Variants in LMO7 observed in about 807,000 individuals in gnomAD.
LMO7 encodes LIM domain only protein 7.
Under a neutral mutation model 206.5 loss-of-function variants are expected in LMO7, and 120 were observed. That is an observed-to-expected ratio of 0.58 (90% CI 0.50 to 0.68). The LOEUF is 0.68. LMO7 is among the 30% of genes least tolerant of loss of function. LMO7 has a pLI of 0.00. For synonymous variants in LMO7, 706 were observed against 681.5 expected, an observed-to-expected ratio of 1.04 and a Z score of -0.56; for missense variants, 1,959 against 1,957.9, an observed-to-expected ratio of 1.00 and a Z score of -0.01.
chr13:75,769,867 T>C (rs1314567909), intron 4 of LMO7, among the ~76,000 whole-genome samples: 1 of 152,156 alleles, frequency 6.6e-6, no homozygotes, highest in African/African-American at 2.4e-5. Context: ...AAATGCTTTT[T>C]TCTGTATTCT....
chr13:75,642,695 A>G (rs2036658981), intron 1 of LMO7, among the ~76,000 whole-genome samples: 1 of 152,214 alleles, frequency 6.6e-6, no homozygotes, highest in South Asian at 2.1e-4. Context: ...CTTGATACAC[A>G]TTATAAAGAT....
At chr13:75,857,562 G>C (rs1169967126) in intron 30 of LMO7, 1 of 162,980 alleles carries the variant, frequency 6.1e-6, no homozygotes, top group African/African-American at 2.4e-5. Flanking sequence ...GGTGGGGGGT[G>C]TGTGTATGTG....
intron 4 of LMO7, among the ~76,000 whole-genome samples, chr13:75,781,943 T>A (rs2051529102): frequency 1.3e-5 from 2 of 152,228 alleles, no homozygotes; most frequent in South Asian, 4.1e-4. Context: ...AAGTGTCTGT[T>A]CATATCCTTT....
intron 1 of LMO7, among the ~76,000 whole-genome samples, chr13:75,653,216 C>A (rs1418926552): frequency 6.6e-6 from 1 of 152,194 alleles, no homozygotes; most frequent in African/African-American, 2.4e-5. Context: ...CATTGAATAT[C>A]TAAGTTCCAG....
chr13:75,807,525 C>T lies in LMO7; in HGVS notation c.1242C>T (p.Ile414=). ...CCCTCCAAACATACTCTGATGACAT[C>T]TTGTCTTCTGAAACACATACCAAAA... ...LQALQTYSDD[I]LSSETHTKID... is the part of the protein sequence containing the mutation. The change falls in exon 10 of 31, where the codon ATC becomes ATT. Residue 414 remains isoleucine, a synonymous_variant. Coordinates refer to ENST00000377534, the MANE Select transcript of LMO7 (RefSeq NM_001306080.2). The T allele has an allele frequency of 6.2e-7, 1 of 1,613,746 alleles. No individual in the cohort carries two copies. Among genetic ancestry groups the T allele is most frequent in the Non-Finnish European group, 8.5e-7 (1 of 1,179,792 alleles).
intron 4 of LMO7, among the ~76,000 whole-genome samples, chr13:75,769,152 T>C (rs2049295438): frequency 6.6e-6 from 1 of 152,094 alleles, no homozygotes; most frequent in South Asian, 2.1e-4. Flanking sequence ...AAATGTTAAA[T>C]AGAGTAGGCA....
chr13:75,677,799 C>G (rs1264764909), intron 1 of LMO7, among the ~76,000 whole-genome samples: 3 of 129,648 alleles, frequency 2.3e-5, no homozygotes, highest in East Asian at 2.5e-4. Context: ...CCCCTCCCCC[C>G]ACCCCACAAC....
chr13:75,826,121 G>A (rs1202102993), intron 15 of LMO7, among the ~76,000 whole-genome samples: 1 of 151,874 alleles, frequency 6.6e-6, no homozygotes, highest in Non-Finnish European at 1.5e-5. Context: ...GCTCATTGCA[G>A]CCTCAACCTC....
chr13:75,740,822 T>G (rs1045038527), intron 3 of LMO7, among the ~76,000 whole-genome samples: 7 of 152,214 alleles, frequency 4.6e-5, no homozygotes, highest in Admixed American at 1.3e-4. Context: ...GGGGCAACAC[T>G]GAAGTCCCCT....
At chr13:75,819,230 T>C in intron 12 of LMO7, 163 bp from the exon 13 acceptor site, 1 of 636,508 alleles carries the variant, frequency 1.6e-6, no homozygotes, top group Non-Finnish European at 2.5e-6. Context: ...GATAAAGGCT[T>C]GGTACAGAAA....
rs368766176 is a variant in LMO7, at chr13:75,821,260, C to A, written c.2291C>A (p.Pro764His). Residue 764 changes from proline to histidine, a missense_variant, in exon 14 of 31, where the codon CCC becomes CAC. Coordinates refer to ENST00000377534, the MANE Select transcript of LMO7 (RefSeq NM_001306080.2). ...FDDVLEEGKR[P>H]PTMTVSEASY... The stretch of plus-strand genomic sequence containing the variant: ...GATGTGCTGGAGGAAGGAAAGCGAC[C>A]CCCTACAATGACTGTGTCAGAAGCA... The A allele has an allele frequency of 6.2e-7, 1 of 1,613,728 alleles. No homozygotes were observed. The highest frequency in any genetic ancestry group is 1.1e-5 in the South Asian group (1 of 91,050).
At chr13:75,636,261 G>C, upstream of LMO7, 16 of 1,033,222 alleles carry the variant, frequency 1.5e-5, no homozygotes, top group Non-Finnish European at 1.9e-5. Context: ...GCCCCGGGAG[G>C]GCGGTGGGGT....
chr13:75,817,083 A>G, intron 11 of LMO7, 78 bp from the exon 12 acceptor site: 1 of 995,988 alleles, frequency 1.0e-6, no homozygotes, highest in Non-Finnish European at 1.6e-6. Flanking sequence ...GAATTTCCAA[A>G]TTTAACTCCA....
intron 1 of LMO7, among the ~76,000 whole-genome samples, chr13:75,677,961 A>C (rs1416648424): frequency 6.6e-6 from 1 of 152,034 alleles, no homozygotes; most frequent in Non-Finnish European, 1.5e-5. Context: ...GTCCCTACAA[A>C]TGACATGAAC....
At chr13:75,781,096 C>CTTTT (rs367937964) in intron 4 of LMO7, among the ~76,000 whole-genome samples, 3 of 41,908 alleles carry the variant, frequency 7.2e-5, no homozygotes, top group African/African-American at 1.1e-4. Context: ...CTCTATTTTC[C>CTTTT]TTTTTTTTTT....
chr13:75,637,431 C>G (rs924586205), intron 1 of LMO7, among the ~76,000 whole-genome samples: 3 of 152,198 alleles, frequency 2.0e-5, no homozygotes, highest in African/African-American at 7.2e-5. Flanking sequence ...AAGAGCGGGT[C>G]TCTTCATTAA....
intron 2 of LMO7, among the ~76,000 whole-genome samples, chr13:75,722,578 C>T (rs2044114830): frequency 6.6e-6 from 1 of 151,976 alleles, no homozygotes; most frequent in South Asian, 2.1e-4. Context: ...GAAAAGGGAA[C>T]AGTTTTACAC....
At chr13:75,690,063 CTT>C (rs535921450) in intron 1 of LMO7, among the ~76,000 whole-genome samples, 1 of 144,556 alleles carries the variant, frequency 6.9e-6, no homozygotes, top group Non-Finnish European at 1.5e-5. Context: ...CTGAGCCCTC[CTT>C]TTTTTTTTTT....
rs138436976 is a variant in LMO7, at chr13:75,835,650, G to A, written c.3333+311G>A. ...CTCAGATCTTTGTGAGCATGAAGTA[G>A]CAATTACATAAAATTATAAACTATA... is the stretch of plus-strand genomic sequence containing the variant. On this transcript the variant is annotated intron_variant, in intron 18 of 30. Coordinates refer to ENST00000377534, the MANE Select transcript of LMO7 (RefSeq NM_001306080.2). Among the ~76,000 whole-genome samples, 178 of 152,248 alleles carry A rather than the reference G, an allele frequency of 1.2e-3. 1 individual carries two copies. Among genetic ancestry groups the A allele is most frequent in the Non-Finnish European group, 1.8e-3 (121 of 67,994 alleles).
Sources: gnomAD v4.1 joint callset for allele counts (sites outside exome capture counted in the v4.1 genomes callset) on GRCh38, gnomAD v4.1.1 for gene constraint, MANE v1.5 for transcripts, NCBI Gene and HGNC (gene_info 2026-07-23, HGNC 2026-07-21) for gene names.